NCKAP5: variants seen among roughly 807,000 people sequenced by gnomAD.
The protein encoded by NCKAP5 is NCK associated protein 5, also known as nck-associated protein 5.
A neutral mutation model predicts 167.0 loss-of-function variants in NCKAP5; 92 were observed. The observed-to-expected ratio is 0.55, with a 90% CI of 0.47 to 0.66. The LOEUF (loss-of-function observed/expected upper bound fraction) is 0.66. Among genes scored for constraint, NCKAP5 ranks in the 30% least tolerant of loss-of-function variants. The pLI is 0.00. For synonymous variants in NCKAP5, 891 were observed against 877.4 expected (o/e 1.02, Z -0.27); for missense variants, 2,378 against 2,315.0 (o/e 1.03, Z -0.56).
At chr2:133,517,407 T>A (rs898286998) in intron 3 of NCKAP5, 51 bp downstream of exon 3, 1 of 989,244 alleles carries the variant, frequency 1.0e-6, no homozygotes, top group Admixed American at 3.4e-5. Flanking sequence ...CAAAGAATAA[T>A]GCATTCAAAG....
intron 3 of NCKAP5, among the ~76,000 whole-genome samples, chr2:133,349,156 A>G (rs1684180160): frequency 6.6e-6 from 1 of 152,230 alleles, no homozygotes; most frequent in Non-Finnish European, 1.5e-5. Flanking sequence ...TTTAGGCAGT[A>G]AATTCAAGGC....
intron 6 of NCKAP5, among the ~76,000 whole-genome samples, chr2:132,995,632 C>T (rs2077573617): frequency 6.7e-6 from 1 of 149,202 alleles, no homozygotes; most frequent in Non-Finnish European, 1.5e-5. Context: ...GCCTGGGCGA[C>T]AGAGACTCTA....
chr2:132,897,826 C>T (rs1693322026), intron 8 of NCKAP5, among the ~76,000 whole-genome samples: 1 of 152,198 alleles, frequency 6.6e-6, no homozygotes, highest in African/African-American at 2.4e-5. Flanking sequence ...TAGTGCATTG[C>T]TAAAAAATGC....
chr2:132,852,013 A>G (rs1689118768), intron 11 of NCKAP5, among the ~76,000 whole-genome samples: 1 of 152,224 alleles, frequency 6.6e-6, no homozygotes, highest in East Asian at 1.9e-4. Context: ...TTCCAGCGCC[A>G]AGAAATTAAT....
chr2:133,515,237 T>C (rs1683883440), intron 3 of NCKAP5, among the ~76,000 whole-genome samples: 1 of 152,236 alleles, frequency 6.6e-6, no homozygotes, highest in South Asian at 2.1e-4. Context: ...AAGAATACTC[T>C]AGCTGCTATT....
chr2:133,536,759 G>A (rs1292021396), intron 2 of NCKAP5, among the ~76,000 whole-genome samples: 4 of 151,524 alleles, frequency 2.6e-5, no homozygotes, highest in African/African-American at 4.8e-5. Flanking sequence ...ATTTCATGGG[G>A]CTTTTTTTCT....
intron 4 of NCKAP5, among the ~76,000 whole-genome samples, chr2:133,215,715 C>T (rs2086398725): frequency 6.6e-6 from 1 of 152,068 alleles, no homozygotes; most frequent in Admixed American, 6.6e-5. Context: ...GAAGCAAGTA[C>T]AAAATGTATA....
chr2:133,223,738 C>A (rs1036395705), intron 4 of NCKAP5, among the ~76,000 whole-genome samples: 1 of 152,186 alleles, frequency 6.6e-6, no homozygotes, highest in African/African-American at 2.4e-5. Flanking sequence ...GCATAAAAGT[C>A]GGTAAGTTTA....
chr2:133,648,865 C>T, the NCKAP5 span, among the ~76,000 whole-genome samples: 35 of 146,842 alleles, frequency 2.4e-4, no homozygotes, highest in Non-Finnish European at 1.4e-4. Flanking sequence ...AAAAAAAGTC[C>T]AACTTTAGCA....
At chr2:133,606,499 C>T in the NCKAP5 span, among the ~76,000 whole-genome samples, 1 of 152,128 alleles carries the variant, frequency 6.6e-6, no homozygotes. Context: ...ATACCCAACG[C>T]CTCCTAAAAG....
At chr2:133,385,254 G>T (rs1278567095) in intron 3 of NCKAP5, among the ~76,000 whole-genome samples, 1 of 152,314 alleles carries the variant, frequency 6.6e-6, no homozygotes, top group East Asian at 1.9e-4. Flanking sequence ...TTTTTAGCAT[G>T]AAGGGTTGTT....
At chr2:133,558,703 G>GAAAAAAAA (rs1687926915) in intron 2 of NCKAP5, among the ~76,000 whole-genome samples, 2 of 5,204 alleles carry the variant, frequency 3.8e-4, no homozygotes, top group African/African-American at 1.6e-3. Context: ...AATGTGCTGA[G>GAAAAAAAA]CAAAAAAAAA....
At chr2:132,961,008 C>A (rs920191971) in intron 8 of NCKAP5, among the ~76,000 whole-genome samples, 1 of 152,044 alleles carries the variant, frequency 6.6e-6, no homozygotes, top group Non-Finnish European at 1.5e-5. Context: ...TAGAAAAATT[C>A]TTTGTTTTTT....
chr2:133,442,210 GA>G (rs1690902902), intron 3 of NCKAP5, among the ~76,000 whole-genome samples: 2 of 152,206 alleles, frequency 1.3e-5, no homozygotes, highest in African/African-American at 4.8e-5. Context: ...ATCAAGACAG[GA>G]AGGAAGAAAG....
intron 3 of NCKAP5, among the ~76,000 whole-genome samples, chr2:133,490,026 T>G (rs555933072): frequency 5.3e-5 from 8 of 152,172 alleles, no homozygotes; most frequent in Non-Finnish European, 1.0e-4. Flanking sequence ...CTCAGGATGC[T>G]GACAGAACAG....
intron 1 of NCKAP5, among the ~76,000 whole-genome samples, chr2:133,563,064 G>A (rs1343747771): frequency 5.9e-5 from 9 of 152,120 alleles, no homozygotes; most frequent in Non-Finnish European, 1.2e-4. Context: ...AAACCCTTCT[G>A]GCTATTTAAA....
intron 8 of NCKAP5, among the ~76,000 whole-genome samples, chr2:132,920,528 T>A (rs998487417): frequency 1.0e-4 from 15 of 150,564 alleles, no homozygotes; most frequent in African/African-American, 2.9e-4. Context: ...GGCCAAGAAT[T>A]AAGAAAGTTC....
chr2:133,668,076 T>A, the NCKAP5 span, among the ~76,000 whole-genome samples: 1 of 152,036 alleles, frequency 6.6e-6, no homozygotes, highest in Non-Finnish European at 1.5e-5. Flanking sequence ...ACATAATGTT[T>A]CCAAGGTTCA....
intron 19 of NCKAP5, among the ~76,000 whole-genome samples, chr2:132,691,023 C>T (rs1686665190): frequency 6.6e-6 from 1 of 152,188 alleles, no homozygotes; most frequent in Admixed American, 6.5e-5. Context: ...AGTATCTCAG[C>T]TATTCCATTA....
Sources: gnomAD v4.1 joint callset for allele counts (sites outside exome capture counted in the v4.1 genomes callset) on GRCh38, gnomAD v4.1.1 for gene constraint, MANE v1.5 for transcripts, NCBI Gene and HGNC (gene_info 2026-07-23, HGNC 2026-07-21) for gene names.